Variants in MTUS2 observed in about 807,000 individuals in gnomAD.
MTUS2 encodes microtubule-associated tumor suppressor candidate 2.
Under a neutral mutation model 114.1 loss-of-function variants are expected in MTUS2, and 40 were observed. The ratio of observed to expected loss-of-function variants is 0.35; its 90% CI spans 0.27 to 0.46. MTUS2 has a LOEUF of 0.46. Ranked by LOEUF, MTUS2 falls within the 20% of genes least tolerant of loss-of-function variation. MTUS2 has a pLI of 1.00. For missense variants in MTUS2, 1,679 were observed against 1,705.4 expected (o/e 0.98, Z 0.27); for synonymous variants, 688 against 672.0 (o/e 1.02, Z -0.37).
intron 2 of MTUS2, among the ~76,000 whole-genome samples, chr13:28,891,033 T>C (rs1995025): frequency 0.15 from 22,667 of 152,254 alleles, 1,946 homozygotes; most frequent in African/African-American, 0.21. Context: ...TCATCAGCCC[T>C]ACAAAGTGTC....
chr13:29,490,638 C>T (rs560451263), intron 11 of MTUS2, among the ~76,000 whole-genome samples: 1 of 152,394 alleles, frequency 6.6e-6, no homozygotes, highest in East Asian at 1.9e-4. Flanking sequence ...TTCTTCCTTG[C>T]ATCTGAGTTG....
At chr13:29,094,893 T>C (rs1413200036) in intron 4 of MTUS2, among the ~76,000 whole-genome samples, 2 of 152,068 alleles carry the variant, frequency 1.3e-5, no homozygotes, top group Admixed American at 1.3e-4. Flanking sequence ...TTTATTCATC[T>C]TAGTATTTTC....
intron 5 of MTUS2, among the ~76,000 whole-genome samples, chr13:29,148,433 C>T (rs1183848009): frequency 1.3e-5 from 2 of 151,024 alleles, no homozygotes; most frequent in Non-Finnish European, 3.0e-5. Flanking sequence ...TCATCATTCA[C>T]CTCCCACTAA....
At chr13:29,267,666 A>G (rs956714287) in intron 5 of MTUS2, among the ~76,000 whole-genome samples, 6 of 152,194 alleles carry the variant, frequency 3.9e-5, no homozygotes, top group East Asian at 1.9e-4. Context: ...GGGATTCTCT[A>G]TGACCATGTG....
chr13:29,084,039 A>G (rs73164600), intron 4 of MTUS2, among the ~76,000 whole-genome samples: 17 of 152,278 alleles, frequency 1.1e-4, no homozygotes, highest in Admixed American at 4.6e-4. Context: ...TATAAATTAG[A>G]TCTATATTAT....
At chr13:28,886,423 C>A (rs867706774) in intron 2 of MTUS2, among the ~76,000 whole-genome samples, 22 of 151,942 alleles carry the variant, frequency 1.4e-4, no homozygotes, top group African/African-American at 5.3e-4. Context: ...TGGTCGAAAT[C>A]GGATTTTACT....
chr13:29,291,176 C>T (rs543004342), intron 6 of MTUS2, among the ~76,000 whole-genome samples: 4 of 152,192 alleles, frequency 2.6e-5, no homozygotes, highest in African/African-American at 7.2e-5. Flanking sequence ...TCACAGAGCC[C>T]GCCTGGTAGA....
chr13:29,380,687 C>T lies in MTUS2; in HGVS notation c.3117+21214C>T, dbSNP rs1423474124. On this transcript the variant is annotated intron_variant, in intron 8 of 15. Transcript: ENST00000612955. ...ATCCCAGCACTTTGGGAGGCCGAGG[C>T]GGGTGGATCATGAGGTCAGGAGATC... 3.9e-4 allele frequency among the ~76,000 whole-genome samples: 7 copies of T among 18,128 alleles called. 3 individuals carry two copies. The highest frequency in any genetic ancestry group is 5.2e-4 in the African/African-American group (7 of 13,406). 11.9% of individuals were successfully genotyped at this position (18,128 alleles called of 152,430 possible).
intron 5 of MTUS2, among the ~76,000 whole-genome samples, chr13:29,173,771 C>T (rs1893657499): frequency 6.6e-6 from 1 of 151,954 alleles, no homozygotes; most frequent in South Asian, 2.1e-4. Flanking sequence ...TTATTTTGTA[C>T]CTTAAATAAA....
At chr13:28,915,752 C>G (rs537274395) in intron 2 of MTUS2, among the ~76,000 whole-genome samples, 3 of 151,606 alleles carry the variant, frequency 2.0e-5, no homozygotes, top group East Asian at 1.9e-4. Context: ...TGTGGGTTCT[C>G]TCTTCATTTT....
intron 7 of MTUS2, among the ~76,000 whole-genome samples, chr13:29,330,131 A>G (rs923790450): frequency 1.3e-5 from 2 of 152,082 alleles, no homozygotes; most frequent in African/African-American, 4.8e-5. Flanking sequence ...TTTTTTAATG[A>G]TCGCCATTCT....
In MTUS2 at chr13:28,965,471, C is replaced by T. The variant is rs548375009; in HGVS notation, c.-242-58986C>T. Reference sequence around the variant, plus strand: ...ATGAGAGAGAACTGCCTGGAAGCCTCTTTGTATTGAATGTTAAGAATTCAG... The same window carrying T: ...ATGAGAGAGAACTGCCTGGAAGCCTTTTTGTATTGAATGTTAAGAATTCAG... On this transcript the variant is annotated intron_variant, in intron 2 of 15. Coordinates refer to ENST00000612955, the MANE Select transcript of MTUS2 (RefSeq NM_001033602.4). Among the ~76,000 whole-genome samples the T allele has an allele frequency of 2.0e-5, 3 of 152,194 alleles. No homozygotes were observed. In the East Asian group the frequency reaches 5.8e-4, roughly 29 times the overall value.
chr13:29,465,353 G>C (rs548789951), intron 9 of MTUS2, among the ~76,000 whole-genome samples: 19 of 152,292 alleles, frequency 1.2e-4, no homozygotes, highest in Admixed American at 5.2e-4. Context: ...CTGCACAGGA[G>C]CATCAGCTGG....
chr13:29,098,263 G>C (rs1158696619), intron 4 of MTUS2, among the ~76,000 whole-genome samples: 1 of 152,180 alleles, frequency 6.6e-6, no homozygotes, highest in Non-Finnish European at 1.5e-5. Flanking sequence ...CTAGGAGCTG[G>C]TGGTATAAAA....
intron 4 of MTUS2, among the ~76,000 whole-genome samples, chr13:29,072,993 G>A (rs1036271770): frequency 6.6e-6 from 1 of 152,032 alleles, no homozygotes; most frequent in African/African-American, 2.4e-5. Flanking sequence ...ACTTTGTCAT[G>A]TTCATTCCAC....
chr13:29,110,289 A>G (rs1242358981), intron 5 of MTUS2, among the ~76,000 whole-genome samples: 5 of 152,342 alleles, frequency 3.3e-5, no homozygotes, highest in African/African-American at 9.6e-5. Context: ...AAGAATGGGA[A>G]CATTTGATTT....
At chr13:28,906,273 TA>T in intron 2 of MTUS2, among the ~76,000 whole-genome samples, 1 of 151,522 alleles carries the variant, frequency 6.6e-6, no homozygotes, top group South Asian at 2.1e-4. Context: ...GCTCTGATTT[TA>T]GTTATTTCTT....
chr13:28,856,492 A>G (rs1031282523), intron 2 of MTUS2, among the ~76,000 whole-genome samples: 1 of 152,224 alleles, frequency 6.6e-6, no homozygotes. Context: ...AGATAGAGCC[A>G]CTGGGAAAGC....
At chr13:29,080,924 C>G (rs1201201862) in intron 4 of MTUS2, among the ~76,000 whole-genome samples, 1 of 152,118 alleles carries the variant, frequency 6.6e-6, no homozygotes, top group South Asian at 2.1e-4. Flanking sequence ...TGGGGTTTCA[C>G]CATGTTGACC....
Sources: gnomAD v4.1 joint callset for allele counts (sites outside exome capture counted in the v4.1 genomes callset) on GRCh38, gnomAD v4.1.1 for gene constraint, MANE v1.5 for transcripts, NCBI Gene and HGNC (gene_info 2026-07-23, HGNC 2026-07-21) for gene names.